MMP17: variants seen among roughly 807,000 people sequenced by gnomAD.
The protein encoded by MMP17 is matrix metallopeptidase 17, also known as matrix metalloproteinase-17.
In MMP17, 54 loss-of-function variants were observed where a neutral mutation model predicts 49.1. The ratio of observed to expected loss-of-function variants is 1.10; its 90% confidence interval spans 0.88 to 1.38. The LOEUF is 1.38. MMP17 is among the 40% of genes most tolerant of loss of function. MMP17 has a pLI of 0.00. For synonymous variants in MMP17, 397 were observed against 383.1 expected (o/e 1.04, Z -0.42); for missense variants, 837 against 853.7 (o/e 0.98, Z 0.24).
At chr12:131,830,119 C>G (rs556132060) in intron 1 of MMP17, among the ~76,000 whole-genome samples, 8 of 152,334 alleles carry the variant, frequency 5.3e-5, no homozygotes, top group African/African-American at 1.7e-4. Context: ...CAGGGAAGGA[C>G]TCAAGGTGGG....
intron 1 of MMP17, chr12:131,837,978 G>A (rs957386999): frequency 4.2e-6 from 2 of 472,430 alleles, no homozygotes; most frequent in East Asian, 3.4e-5. Flanking sequence ...CCAAACTGCT[G>A]GGATTACAGG....
chr12:131,842,721 T>C (rs7486547), intron 5 of MMP17, among the ~76,000 whole-genome samples: 58,869 of 150,602 alleles, frequency 0.39, 12,510 homozygotes, highest in East Asian at 0.51. Context: ...TGCAGTGAGC[T>C]GAGATCGCAC....
At position 131,851,087 on chromosome 12, in the gene MMP17, C is replaced by G. The variant is rs568733137; in HGVS notation, c.1625C>G (p.Pro542Arg). Residue 542 changes from proline (P) to arginine (R), a missense_variant, in exon 10 of 10, where the codon CCC becomes CGC. Transcript: ENST00000360564. ...GCGGGCGTGGACGCGGCAGAGGGGC[C>G]CCGCGCCCCTCCAGGACAACATGAC... ...VAAGVDAAEG[P>R]RAPPGQHDQS... The G allele has an allele frequency of 6.2e-7, 1 of 1,603,622 alleles. No homozygotes were observed. The highest frequency in any genetic ancestry group is 1.7e-5 in the Admixed American group (1 of 58,784).
intron 1 of MMP17, among the ~76,000 whole-genome samples, chr12:131,837,323 G>A (rs58260776): frequency 0.17 from 25,823 of 152,134 alleles, 2,727 homozygotes; most frequent in African/African-American, 0.3. Context: ...ACAGGGTCTC[G>A]CTCTGTTGCA....
chr12:131,841,006 T>G, intron 4 of MMP17, 150 bp downstream of exon 4: 1 of 1,060,508 alleles, frequency 9.4e-7, no homozygotes, highest in African/African-American at 1.6e-5. Flanking sequence ...ACTAGGCCGA[T>G]CTCACAGCAT....
chr12:131,831,062 G>T (rs1326107675), intron 1 of MMP17, among the ~76,000 whole-genome samples: 1 of 152,180 alleles, frequency 6.6e-6, no homozygotes, highest in African/African-American at 2.4e-5. Context: ...ACCGTGGGCC[G>T]TGCGATTGCA....
intron 2 of MMP17, 49 bp from the exon 3 acceptor site, chr12:131,838,563 G>A (rs1354674245): frequency 1.9e-6 from 3 of 1,572,798 alleles, no homozygotes; most frequent in Non-Finnish European, 2.6e-6. Flanking sequence ...GGGATCCTAG[G>A]GTGGGGAGTG....
chr12:131,828,713 GC>G (rs933787855), intron 1 of MMP17, 60 bp downstream of exon 1: 2 of 197,430 alleles, frequency 1.0e-5, no homozygotes, highest in Non-Finnish European at 2.0e-5. Flanking sequence ...GTCTCCGCGG[GC>G]CGGGTGGCGG....
At position 131,828,599 on chromosome 12, in the gene MMP17, G is replaced by A; in HGVS notation, c.105G>A (p.Gly35=). 1.1e-6 allele frequency: 1 copy of A among 934,964 alleles called. No individual in the cohort carries two copies. The highest frequency in any genetic ancestry group is 1.3e-6 in the Non-Finnish European group (1 of 765,504). The allele number at this position is 934,964 out of a possible 1,614,324, so 57.9% of individuals were successfully genotyped here. A position where few individuals can be genotyped will look rare whatever the true frequency, so the allele number is the denominator to read the frequency against. Residue 35 remains glycine (G), a synonymous_variant, in exon 1 of 10, where the codon GGG becomes GGA. Coordinates refer to ENST00000360564, the MANE Select transcript of MMP17 (RefSeq NM_016155.7). The stretch of plus-strand genomic sequence containing the variant: ...TGCTGCTGGCGCTGGGGACCCGCGG[G>A]GGCTGCGCCGCGCCCGCACCCGCGC... ...LLLLLALGTR[G]GCAAPAPAPR...
chr12:131,830,111 G>T (rs1386950351), intron 1 of MMP17, among the ~76,000 whole-genome samples: 1 of 152,236 alleles, frequency 6.6e-6, no homozygotes, highest in East Asian at 1.9e-4. Flanking sequence ...GGCAATGCCA[G>T]GGAAGGACTC....
intron 6 of MMP17, chr12:131,844,585 C>A: frequency 4.6e-6 from 1 of 216,994 alleles, no homozygotes; most frequent in Non-Finnish European, 9.2e-6. Context: ...TGCCAGAGGC[C>A]GGTAGAAGCT....
rs771518121 is a variant in MMP17, at chr12:131,845,176, C to T, written c.1027C>T (p.Arg343Trp). 3 of 1,614,046 alleles carry T rather than the reference C, an allele frequency of 1.9e-6. No individual in the cohort carries two copies. The highest frequency in any genetic ancestry group is 1.7e-6 in the Non-Finnish European group (2 of 1,179,940). Residue 343 changes from arginine to tryptophan, a missense_variant, in exon 7 of 10, where the codon CGG (arginine) becomes TGG (tryptophan). Transcript: ENST00000360564. Reference protein sequence around the residue: ...STHFDAVAQIRGEAFFFKGKY... With the variant: ...STHFDAVAQIWGEAFFFKGKY... ...TCACTTTGACGCGGTGGCCCAGATC[C>T]GGGGTGAAGCTTTCTTCTTCAAAGG...
chr12:131,843,752 G>A (rs1479483790), intron 5 of MMP17, among the ~76,000 whole-genome samples: 1 of 152,178 alleles, frequency 6.6e-6, no homozygotes, highest in East Asian at 1.9e-4. Context: ...AGCTCTTTAG[G>A]GTGTACCCCG....
chr12:131,828,907 G>T (rs1886651729), intron 1 of MMP17, among the ~76,000 whole-genome samples: 1 of 152,086 alleles, frequency 6.6e-6, no homozygotes, highest in Non-Finnish European at 1.5e-5. Flanking sequence ...CGCCGCAGCC[G>T]CAGGAGCCCG....
chr12:131,834,957 C>G lies in MMP17; in HGVS notation c.160-3238C>G, dbSNP rs140130297. Among the ~76,000 whole-genome samples, 46 of 152,304 alleles carry G rather than the reference C, an allele frequency of 3.0e-4. 2 individuals are homozygous for G. The highest frequency in any genetic ancestry group is 3.7e-4 in the Non-Finnish European group (25 of 68,014). On this transcript the variant is annotated intron_variant, in intron 1 of 9. Coordinates refer to ENST00000360564, the MANE Select transcript of MMP17 (RefSeq NM_016155.7). ...AGGACAGGTCAGGGCTGGGCGAGGG[C>G]GCCTCGTGGGCTCAGGAGGCCCCCT... is the stretch of plus-strand genomic sequence containing the variant.
Position 131,850,985 on chromosome 12 carries a change from T to G in MMP17, c.1523T>G (p.Val508Gly), listed in dbSNP as rs1416918972. 1 of 1,558,142 alleles carries G rather than the reference T, an allele frequency of 6.4e-7. No homozygotes were observed. The highest frequency in any genetic ancestry group is 8.7e-7 in the Non-Finnish European group (1 of 1,154,130). ...AAAGTGCTGGATGGCGAGCTGGAGG[T>G]GGCACCCGGGTACCCACAGTCCACG... Reference protein sequence around the residue: ...YWKVLDGELEVAPGYPQSTAR... With the variant: ...YWKVLDGELEGAPGYPQSTAR... Residue 508 changes from valine (V) to glycine (G), a missense_variant, in exon 10 of 10, where the codon GTG (valine) becomes GGG (glycine). Val to Gly is a moderately radical substitution (Grantham distance 109). Transcript: ENST00000360564.
intron 8 of MMP17, among the ~76,000 whole-genome samples, chr12:131,849,079 C>T (rs1243650427): frequency 6.6e-6 from 1 of 152,200 alleles, no homozygotes; most frequent in African/African-American, 2.4e-5. Flanking sequence ...AGGTGACTTT[C>T]CACGTTCTTG....
At chr12:131,834,424 C>T (rs1024657095) in intron 1 of MMP17, among the ~76,000 whole-genome samples, 13 of 152,312 alleles carry the variant, frequency 8.5e-5, no homozygotes, top group Middle Eastern at 3.4e-3. Context: ...GAGGACCAGG[C>T]GGCGGGTGGG....
intron 1 of MMP17, among the ~76,000 whole-genome samples, chr12:131,831,701 CCCAA>C (rs1271088517): frequency 6.7e-6 from 1 of 149,168 alleles, no homozygotes; most frequent in East Asian, 2.0e-4. Context: ...GGCTTTGCCA[CCCAA>C]CTAAGTGCCG....
Sources: allele counts gnomAD v4.1 joint callset (sites outside exome capture counted in the v4.1 genomes callset), GRCh38; gene constraint gnomAD v4.1.1; transcripts MANE v1.5; gene names NCBI Gene and HGNC (gene_info 2026-07-23, HGNC 2026-07-21).